Variants in ST3GAL3 observed in about 807,000 individuals in gnomAD.
ST3GAL3 encodes CMP-N-acetylneuraminate-beta-1,4-galactoside alpha-2,3-sialyltransferase.
A neutral mutation model predicts 50.1 loss-of-function variants in ST3GAL3; 21 were observed. That is an observed-to-expected ratio of 0.42 (90% CI 0.30 to 0.60). ST3GAL3 has a LOEUF of 0.60. Ranked by LOEUF, ST3GAL3 falls within the 20% of genes least tolerant of loss-of-function variation. The pLI is 0.19. For synonymous variants in ST3GAL3, 183 were observed against 190.0 expected (o/e 0.96, Z 0.30); for missense variants, 353 against 489.4 (o/e 0.72, Z 2.63).
intron 3 of ST3GAL3, among the ~76,000 whole-genome samples, chr1:43,810,783 G>A (rs1360068106): frequency 6.6e-6 from 1 of 152,116 alleles, no homozygotes; most frequent in African/African-American, 2.4e-5. Flanking sequence ...CCTTGCCAGT[G>A]GCAAAGCAGA....
chr1:43,733,980 C>T (rs374231211), intron 1 of ST3GAL3, among the ~76,000 whole-genome samples: 3 of 152,156 alleles, frequency 2.0e-5, no homozygotes, highest in East Asian at 1.9e-4. Flanking sequence ...TGTGGTGGCG[C>T]GTGCCTGTAA....
intron 1 of ST3GAL3, among the ~76,000 whole-genome samples, chr1:43,723,564 C>G (rs1671516149): frequency 6.6e-6 from 1 of 152,136 alleles, no homozygotes. Flanking sequence ...TTAGAAATTA[C>G]CCAGTCTCAG....
At chr1:43,758,361 C>T (rs1221828860) in intron 2 of ST3GAL3, among the ~76,000 whole-genome samples, 1 of 152,100 alleles carries the variant, frequency 6.6e-6, no homozygotes, top group Non-Finnish European at 1.5e-5. Context: ...GGCAATCCTC[C>T]CACCTCAGTC....
chr1:43,714,464 G>C (rs968178831), intron 1 of ST3GAL3, among the ~76,000 whole-genome samples: 50 of 150,320 alleles, frequency 3.3e-4, no homozygotes, highest in African/African-American at 1.2e-3. Flanking sequence ...AATTAGCTGG[G>C]CATGGCAGCG....
At position 43,920,847 on chromosome 1, in the gene ST3GAL3, C is replaced by T. The variant is rs200118060; in HGVS notation, c.957C>T (p.Val319=). ...MALHGCDEVA[V]AGFGYDMSTP... ...TACACGGCTGTGACGAGGTGGCAGT[C>T]GCAGGATTTGGCTATGACATGAGCA... The change falls in exon 11 of 12, where the codon GTC becomes GTT. Residue 319 remains valine (V), a synonymous_variant. Coordinates refer to ENST00000347631, the MANE Select transcript of ST3GAL3 (RefSeq NM_006279.5). The T allele has an allele frequency of 1.2e-5, 19 of 1,614,030 alleles. No individual in the cohort carries two copies. The highest frequency in any genetic ancestry group is 5.0e-5 in the Admixed American group (3 of 60,008).
At chr1:43,826,082 A>G (rs973252483) in intron 4 of ST3GAL3, among the ~76,000 whole-genome samples, 16 of 151,816 alleles carry the variant, frequency 1.1e-4, no homozygotes, top group Non-Finnish European at 2.2e-4. Flanking sequence ...CCTGGGCAAC[A>G]TAGGGAGACC....
At chr1:43,739,921 G>C (rs1262304163) in intron 2 of ST3GAL3, among the ~76,000 whole-genome samples, 1 of 152,058 alleles carries the variant, frequency 6.6e-6, no homozygotes, top group Non-Finnish European at 1.5e-5. Context: ...TTAAAAAGTA[G>C]TGTAGAATTA....
intron 2 of ST3GAL3, among the ~76,000 whole-genome samples, chr1:43,750,261 A>G (rs1211822417): frequency 1.3e-5 from 2 of 152,218 alleles, no homozygotes; most frequent in East Asian, 1.9e-4. Context: ...GTGGAAAACA[A>G]TTTGGCAATT....
intron 2 of ST3GAL3, among the ~76,000 whole-genome samples, chr1:43,744,683 T>TAAATAAATAAATAAATAAATAAATA (rs1340747335): frequency 6.5e-4 from 93 of 143,110 alleles, no homozygotes; most frequent in African/African-American, 9.4e-4. Flanking sequence ...AATAAATAAA[T>TAAATAAATAAATAAATAAATAAATA]AAATAAAATA....
At chr1:43,902,627 G>A (rs1307143441) in intron 9 of ST3GAL3, among the ~76,000 whole-genome samples, 2 of 152,216 alleles carry the variant, frequency 1.3e-5, no homozygotes, top group African/African-American at 4.8e-5. Context: ...CAGCAAGCAG[G>A]TGTAGGAGTT....
chr1:43,796,955 A>G (rs1334259627), intron 3 of ST3GAL3, among the ~76,000 whole-genome samples: 1 of 152,236 alleles, frequency 6.6e-6, no homozygotes, highest in Admixed American at 6.5e-5. Flanking sequence ...AGGCTGAGGC[A>G]GAAGGATCAC....
At chr1:43,778,701 A>G (rs2154139788) in intron 2 of ST3GAL3, among the ~76,000 whole-genome samples, 1 of 132,048 alleles carries the variant, frequency 7.6e-6, no homozygotes, top group South Asian at 2.4e-4. Flanking sequence ...GCTGGAGTGC[A>G]GTGGCACGAT....
chr1:43,768,698 A>G (rs756434354), intron 2 of ST3GAL3, among the ~76,000 whole-genome samples: 6 of 152,254 alleles, frequency 3.9e-5, no homozygotes, highest in Non-Finnish European at 7.3e-5. Flanking sequence ...AACTGACTCA[A>G]GACATCATGG....
intron 2 of ST3GAL3, among the ~76,000 whole-genome samples, chr1:43,739,831 T>G (rs1021031388): frequency 6.6e-6 from 1 of 152,136 alleles, no homozygotes; most frequent in Admixed American, 6.5e-5. Context: ...GACCTAGGCT[T>G]GGTCAGGTTG....
chr1:43,929,963 A>T, intron 11 of ST3GAL3, 169 bp from the exon 12 acceptor site: 1 of 761,538 alleles, frequency 1.3e-6, no homozygotes, highest in Non-Finnish European at 2.4e-6. Context: ...TGGCACTCCT[A>T]GAGCAGGGTC....
intron 1 of ST3GAL3, among the ~76,000 whole-genome samples, chr1:43,724,321 C>G (rs1277050657): frequency 6.6e-6 from 1 of 151,924 alleles, no homozygotes; most frequent in Non-Finnish European, 1.5e-5. Context: ...AGTGATCCTC[C>G]TGCTTCAGCC....
At chr1:43,784,346 T>G (rs1341001720) in intron 2 of ST3GAL3, among the ~76,000 whole-genome samples, 4 of 152,052 alleles carry the variant, frequency 2.6e-5, no homozygotes, top group African/African-American at 9.7e-5. Flanking sequence ...CCGTCTGTAC[T>G]AAAAATACAA....
rs146960950 is a variant in ST3GAL3 at position 43,804,134 on chromosome 1, T to C, written c.167-10757T>C. Among the ~76,000 whole-genome samples the C allele has an allele frequency of 1.1e-3, 161 of 152,338 alleles. 2 individuals are homozygous for C. The highest frequency in any genetic ancestry group is 3.7e-3 in the African/African-American group (152 of 41,570). On this transcript the variant is annotated intron_variant, in intron 3 of 11. Coordinates refer to ENST00000347631, the MANE Select transcript of ST3GAL3 (RefSeq NM_006279.5). ...TGGGCTGCTGGTGAGACCCAGACTT[T>C]CATGCCACTACCCGAGAGGTGAATA...
chr1:43,824,811 T>C, intron 4 of ST3GAL3: 6 of 1,323,258 alleles, frequency 4.5e-6, no homozygotes, highest in Non-Finnish European at 6.6e-6. Context: ...AAATTACTGA[T>C]GCCTGCATCC....
Sources: allele counts gnomAD v4.1 joint callset (sites outside exome capture counted in the v4.1 genomes callset), GRCh38; gene constraint gnomAD v4.1.1; transcripts MANE v1.5; gene names NCBI Gene and HGNC (gene_info 2026-07-23, HGNC 2026-07-21).